The following TXNDC12 variants were observed in gnomAD, a reference collection of about 807,000 sequenced individuals.
TXNDC12 encodes the protein thioredoxin domain containing 12.
A neutral mutation model predicts 24.2 loss-of-function variants in TXNDC12; 22 were observed. The observed-to-expected ratio is 0.91, with a 90% CI of 0.65 to 1.30. TXNDC12 has a LOEUF of 1.30. Ranked by LOEUF, TXNDC12 falls within the 50% of genes most tolerant of loss-of-function variation. The pLI, the probability that TXNDC12 is intolerant of heterozygous loss-of-function variation, is 0.00. For synonymous variants in TXNDC12, 58 were observed against 73.4 expected (o/e 0.79, Z 1.07); for missense variants, 184 against 205.8 (o/e 0.89, Z 0.65).
chr1:52,034,147 C>G, intron 2 of TXNDC12: 1 of 921,048 alleles, frequency 1.1e-6, no homozygotes, highest in Non-Finnish European at 1.4e-6. Context: ...TCCTCTTAAA[C>G]CTACTGGCTC....
In TXNDC12 at chr1:52,053,423, G is replaced by C. The variant is rs553256813; in HGVS notation, c.97+1577C>G. On this transcript the variant is annotated intron_variant, in intron 1 of 6. Transcript: ENST00000371626. ...CTCATGCCTGTAATCCCAGCACTTTGGGAGGCCGAGGCGGGCAGATCATGA... is the reference window on the plus strand; with the variant it reads ...CTCATGCCTGTAATCCCAGCACTTTCGGAGGCCGAGGCGGGCAGATCATGA... Among the ~76,000 whole-genome samples the C allele has an allele frequency of 7.9e-5, 12 of 152,270 alleles. No homozygotes were observed. The South Asian group carries it at 2.5e-3, about 32-fold the overall frequency.
Position 52,055,034 on chromosome 1 carries a change from G to A in TXNDC12, c.63C>T (p.Val21=). The change falls in exon 1 of 7, where the codon GTC becomes GTT. Residue 21 remains valine (V), a synonymous_variant. Transcript: ENST00000371626. ...CLLGFSFLLL[V]ISSDGHNGLG... ...GCCCATTATGTCCATCAGAAGAGAT[G>A]ACGAGGAGCAGGAAACTGAAGCCCA... The A allele has an allele frequency of 6.2e-7, 1 of 1,614,034 alleles. No homozygotes were observed. The highest frequency in any genetic ancestry group is 8.5e-7 in the Non-Finnish European group (1 of 1,179,946).
At chr1:52,052,033 C>T (rs1191319764) in intron 1 of TXNDC12, among the ~76,000 whole-genome samples, 1 of 152,158 alleles carries the variant, frequency 6.6e-6, no homozygotes. Context: ...GTGTCCGACA[C>T]AATATTAAGT....
chr1:52,048,473 T>TAA (rs57230386), intron 1 of TXNDC12, among the ~76,000 whole-genome samples: 6 of 118,774 alleles, frequency 5.1e-5, no homozygotes, highest in Admixed American at 8.6e-5. Context: ...TTCTTTTCTT[T>TAA]AAAAAAAAAA....
chr1:52,054,893 T>C, intron 1 of TXNDC12, 107 bp downstream of exon 1: 1 of 763,896 alleles, frequency 1.3e-6, no homozygotes, highest in Non-Finnish European at 2.2e-6. Context: ...AAATCTGGAG[T>C]GGCCTAAGAG....
Position 52,031,711 on chromosome 1 carries a change from G to A in TXNDC12, c.159-3081C>T, listed in dbSNP as rs537851376. ...TTGCCACGTTGGCCAGGCTGGTCTC[G>A]AACTCCTGACCTCGATTTTGGACTC... On this transcript the variant is annotated intron_variant, in intron 2 of 6. Transcript: ENST00000371626. Among the ~76,000 whole-genome samples the A allele has an allele frequency of 5.9e-5, 9 of 152,028 alleles. No homozygotes were observed. The South Asian group carries it at 1.0e-3, about 18-fold the overall frequency.
chr1:52,054,988 ACGC>A lies in TXNDC12; in HGVS notation c.97+9_97+11del. 6.3e-7 allele frequency: 1 copy of A among 1,597,502 alleles called. No homozygotes were observed. Among genetic ancestry groups the A allele is most frequent in the South Asian group, 1.1e-5 (1 of 90,746 alleles). On this transcript the variant is annotated intron_variant, in intron 1 of 6. Coordinates refer to ENST00000371626, the MANE Select transcript of TXNDC12 (RefSeq NM_015913.4). ...AAAGATCAGTAAAGAGAAGATAAGAACGCGGTCTGACCCTTTCCAAGCCCATTA... is the reference window on the plus strand; with the variant it reads ...AAAGATCAGTAAAGAGAAGATAAGAAGGTCTGACCCTTTCCAAGCCCATTA...
Position 52,024,519 on chromosome 1 carries a change from G to C in TXNDC12, c.346C>G (p.Leu116Val), listed in dbSNP as rs199849902. ...SPDGGYIPRI[L>V]FLDPSGKVHP... The stretch of plus-strand genomic sequence containing the variant: ...AGATCATGTGCCTTACCCAGAAAAA[G>C]GATTCGTGGAATATAACCCCCGTCA... Residue 116 changes from leucine (L) to valine (V), a missense_variant, in exon 5 of 7, where the codon CTT (leucine) becomes GTT (valine). By Grantham distance (32) the Leu-to-Val change is conservative. Coordinates refer to ENST00000371626, the MANE Select transcript of TXNDC12 (RefSeq NM_015913.4). The C allele has an allele frequency of 7.4e-5, 120 of 1,612,344 alleles. No individual in the cohort carries two copies. Among genetic ancestry groups the C allele is most frequent in the Non-Finnish European group, 1.6e-5 (19 of 1,178,858 alleles).
At chr1:52,043,737 G>A (rs138858971) in intron 1 of TXNDC12, among the ~76,000 whole-genome samples, 1 of 152,200 alleles carries the variant, frequency 6.6e-6, no homozygotes, top group African/African-American at 2.4e-5. Context: ...TACATCACCT[G>A]TACTGGTCAC....
chr1:52,027,314 A>G lies in TXNDC12; in HGVS notation c.246T>C (p.Ile82=). 1 of 1,613,548 alleles carries G rather than the reference A, an allele frequency of 6.2e-7. No individual in the cohort carries two copies. Among genetic ancestry groups the G allele is most frequent in the Non-Finnish European group, 8.5e-7 (1 of 1,179,614 alleles). The change falls in exon 4 of 7, where the codon ATT becomes ATC. Residue 82 remains isoleucine, a synonymous_variant. Transcript: ENST00000371626. ...LKPKFAESTE[I]SELSHNFVMV... is the part of the protein sequence containing the mutation. ...TAACAAAATTATGGGAGAGTTCTGA[A>G]ATTTCCGTAGATTCTGCAAATTTGG...
intron 1 of TXNDC12, chr1:52,052,658 G>C (rs998019629): frequency 6.5e-6 from 1 of 154,284 alleles, no homozygotes; most frequent in Non-Finnish European, 1.5e-5. Flanking sequence ...TCACACAATT[G>C]TGAGCATAAT....
intron 2 of TXNDC12, among the ~76,000 whole-genome samples, chr1:52,035,668 C>T (rs1685868340): frequency 6.6e-6 from 1 of 152,132 alleles, no homozygotes; most frequent in Admixed American, 6.5e-5. Context: ...GCCTAGATCG[C>T]ACCACTGCAC....
chr1:52,033,403 G>A, intron 2 of TXNDC12: 2 of 1,451,794 alleles, frequency 1.4e-6, no homozygotes, highest in Non-Finnish European at 9.4e-7. Flanking sequence ...GTTCGCGCCC[G>A]CCACCTGAGG....
At chr1:52,026,555 G>T (rs1351805369) in intron 4 of TXNDC12, among the ~76,000 whole-genome samples, 1 of 152,156 alleles carries the variant, frequency 6.6e-6, no homozygotes, top group East Asian at 1.9e-4. Context: ...GCTTTACAAA[G>T]ACATAAAACA....
chr1:52,051,507 C>T (rs537780462), intron 1 of TXNDC12, among the ~76,000 whole-genome samples: 2 of 152,324 alleles, frequency 1.3e-5, no homozygotes, highest in South Asian at 4.1e-4. Flanking sequence ...TCCCGAGTAG[C>T]TAGGATTACA....
chr1:52,026,933 G>A (rs1420434830), intron 4 of TXNDC12, among the ~76,000 whole-genome samples: 1 of 152,096 alleles, frequency 6.6e-6, no homozygotes. Flanking sequence ...CCACTCGGGA[G>A]GCGGAGGCAG....
At chr1:52,053,123 C>T (rs1041081756) in intron 1 of TXNDC12, among the ~76,000 whole-genome samples, 1 of 149,304 alleles carries the variant, frequency 6.7e-6, no homozygotes, top group African/African-American at 2.5e-5. Context: ...ATTAGCTGGG[C>T]ATAGTGGCAC....
chr1:52,052,425 C>CT (rs1469613771), intron 1 of TXNDC12: 1 of 169,188 alleles, frequency 5.9e-6, no homozygotes, highest in Non-Finnish European at 1.5e-5. Context: ...GGAAGTGATG[C>CT]TATGTGCCTT....
rs796852784 is a variant in TXNDC12, at chr1:52,049,064, T to A, written c.97+5936A>T. On this transcript the variant is annotated intron_variant, in intron 1 of 6. Transcript: ENST00000371626. ...TACAGAACAATTGAAATGTAGACAA[T>A]CCAGCTGAGCTCAACTTTTACTTTT... Among the ~76,000 whole-genome samples the A allele has an allele frequency of 9.2e-5, 14 of 152,112 alleles. 1 individual carries two copies. The highest frequency in any genetic ancestry group is 3.1e-4 in the African/African-American group (13 of 41,490).
Sources: allele counts gnomAD v4.1 joint callset (sites outside exome capture counted in the v4.1 genomes callset), GRCh38; gene constraint gnomAD v4.1.1; transcripts MANE v1.5; gene names NCBI Gene and HGNC (gene_info 2026-07-23, HGNC 2026-07-21).